Variants in PLEKHJ1 observed in about 807,000 individuals in gnomAD.
PLEKHJ1 encodes the protein pleckstrin homology domain containing J1, also known as pleckstrin homology domain-containing family J member 1.
Under a neutral mutation model 21.7 loss-of-function variants are expected in PLEKHJ1, and 20 were observed. The ratio of observed to expected loss-of-function variants is 0.92; its 90% CI spans 0.65 to 1.34. The LOEUF (loss-of-function observed/expected upper bound fraction) is 1.34. PLEKHJ1 is among the 40% of genes most tolerant of loss of function. PLEKHJ1 has a pLI of 0.00. For synonymous variants in PLEKHJ1, 113 were observed against 80.6 expected (o/e 1.40, Z -2.15); for missense variants, 241 against 202.0 (o/e 1.19, Z -1.17).
At position 2,233,395 on chromosome 19, in the gene PLEKHJ1, C is replaced by G. The variant is rs983301238; in HGVS notation, c.*445G>C. 1 of 197,042 alleles carries G rather than the reference C, an allele frequency of 5.1e-6. No homozygotes were observed. Among genetic ancestry groups the G allele is most frequent in the African/African-American group, 2.4e-5 (1 of 42,486 alleles). 12.2% of individuals were successfully genotyped at this position (197,042 alleles called of 1,614,324 possible). On this transcript the variant is annotated 3_prime_UTR_variant, in exon 6 of 6. Coordinates refer to ENST00000326631, the MANE Select transcript of PLEKHJ1 (RefSeq NM_018049.3). ...CTGGATGCACACAACTCAGGCAGGGCACCTGTGGGAAGGCGCATATCCTGG... is the reference window on the plus strand; with the variant it reads ...CTGGATGCACACAACTCAGGCAGGGGACCTGTGGGAAGGCGCATATCCTGG...
chr19:2,233,689 T>C lies in PLEKHJ1; in HGVS notation c.*151A>G, dbSNP rs138865663. 466 of 657,178 alleles carry C rather than the reference T, an allele frequency of 7.1e-4. 2 individuals are homozygous for C. The African/African-American group carries it at 7.4e-3, about 10-fold the overall frequency. 40.7% of individuals were successfully genotyped at this position (657,178 alleles called of 1,614,324 possible). On this transcript the variant is annotated 3_prime_UTR_variant, in exon 6 of 6. Transcript: ENST00000326631. ...AGAAGGTCAAGGTCACAGTGAGCTGTGGCACCACTGCACTCTAGCCTGGGC... is the reference window on the plus strand; with the variant it reads ...AGAAGGTCAAGGTCACAGTGAGCTGCGGCACCACTGCACTCTAGCCTGGGC...
Position 2,234,160 on chromosome 19 carries a change from G to A in PLEKHJ1, c.310C>T (p.Arg104Cys), listed in dbSNP as rs370154524. The change falls in exon 4 of 6, where the codon CGT becomes TGT. Residue 104 changes from arginine to cysteine, a missense_variant. By Grantham distance (180) the Arg-to-Cys change is radical (BLOSUM62 -3). Coordinates refer to ENST00000326631, the MANE Select transcript of PLEKHJ1 (RefSeq NM_018049.3). ...ACCGCCTGGCCCCACCTGGCCCGAC[G>A]CAGAGCCTCCATCCACTCCTGACAC... ...EQCQEWMEAL[R>C]RASYEFMRRS... 6.2e-5 allele frequency: 100 copies of A among 1,612,104 alleles called. No homozygotes were observed. Among genetic ancestry groups the A allele is most frequent in the South Asian group, 1.2e-4 (11 of 91,072 alleles).
Position 2,233,274 on chromosome 19 carries a change from C to T in PLEKHJ1, c.*566G>A, listed in dbSNP as rs2024674555. On this transcript the variant is annotated 3_prime_UTR_variant, in exon 6 of 6. Coordinates refer to ENST00000326631, the MANE Select transcript of PLEKHJ1 (RefSeq NM_018049.3). ...GAGAATTCACAGCTGGTGTGGGACT[C>T]AGCCCCTAGGCCATTCACAGCTTTG... The T allele has an allele frequency of 6.5e-6, 1 of 154,514 alleles. No individual in the cohort carries two copies. The highest frequency in any genetic ancestry group is 2.4e-5 in the African/African-American group (1 of 41,428). The allele number at this position is 154,514 out of a possible 1,614,324, so 9.6% of individuals were successfully genotyped here. A position where few individuals can be genotyped will look rare whatever the true frequency, so the allele number is the denominator to read the frequency against.
chr19:2,235,657 G>C, intron 3 of PLEKHJ1, 105 bp downstream of exon 3: 1 of 930,686 alleles, frequency 1.1e-6, no homozygotes, highest in South Asian at 1.6e-5. Context: ...GTGGCGCCAG[G>C]CTGGGGACAC....
At chr19:2,234,342 G>A (rs1220630933) in intron 3 of PLEKHJ1, 102 bp from the exon 4 acceptor site, 4 of 828,026 alleles carry the variant, frequency 4.8e-6, no homozygotes, top group Middle Eastern at 2.3e-4. Context: ...ACAAAGATGT[G>A]TTCATGTCCT....
rs901498519 is a variant in PLEKHJ1, at chr19:2,235,646, G to A, written c.229+116C>T. 2.3e-5 allele frequency: 19 copies of A among 825,692 alleles called. No homozygotes were observed. In the African/African-American group the frequency reaches 2.4e-4, roughly 11 times the overall value. The allele number at this position is 825,692 out of a possible 1,614,324, so 51.1% of individuals were successfully genotyped here. A position where few individuals can be genotyped will look rare whatever the true frequency, so the allele number is the denominator to read the frequency against. On this transcript the variant is annotated intron_variant, in intron 3 of 5. Transcript: ENST00000326631. ...ACAATGCACTCTTGTGTTTGAGGAG[G>A]GTGGCGCCAGGCTGGGGACACAGAG...
At chr19:2,235,559 T>C (rs2024776205) in intron 3 of PLEKHJ1, 5 of 590,442 alleles carry the variant, frequency 8.5e-6, no homozygotes, top group Admixed American at 3.0e-5. Context: ...CAAGCTTAAG[T>C]GGACTCGGCA....
At chr19:2,231,892 G>A (rs2144977720), downstream of PLEKHJ1, 1 of 220,048 alleles carries the variant, frequency 4.5e-6, no homozygotes, top group East Asian at 6.6e-5. Flanking sequence ...CACGCACTGG[G>A]TCTCAGAGCC....
At chr19:2,236,028 C>T (rs1425453912) in intron 1 of PLEKHJ1, 38 bp from the exon 2 acceptor site, 4 of 1,553,024 alleles carry the variant, frequency 2.6e-6, no homozygotes, top group Non-Finnish European at 3.5e-6. Context: ...GCAGGCAGCC[C>T]CCGCCCGGAC....
chr19:2,232,646 C>T (rs552467278), downstream of PLEKHJ1: 13 of 182,528 alleles, frequency 7.1e-5, no homozygotes, highest in Admixed American at 4.4e-4. Flanking sequence ...TGAGAGGCCC[C>T]GGCTAGTGTG....
rs905685549 is a variant in PLEKHJ1, at chr19:2,235,914, C to T, written c.162+9G>A. 35 of 1,608,258 alleles carry T rather than the reference C, an allele frequency of 2.2e-5. No homozygotes were observed. Among genetic ancestry groups the T allele is most frequent in the Non-Finnish European group, 2.6e-5 (31 of 1,178,110 alleles). On this transcript the variant is annotated intron_variant, in intron 2 of 5. Coordinates refer to ENST00000326631, the MANE Select transcript of PLEKHJ1 (RefSeq NM_018049.3). Reference sequence around the variant, plus strand: ...CTGGGACCCGCCCGCGCGCCCGGGACGCCCCTACCTCGGCCTCGTCTGTCC... The same window carrying T: ...CTGGGACCCGCCCGCGCGCCCGGGATGCCCCTACCTCGGCCTCGTCTGTCC...
At chr19:2,234,379 C>T in intron 3 of PLEKHJ1, 139 bp from the exon 4 acceptor site, 1 of 628,800 alleles carries the variant, frequency 1.6e-6, no homozygotes, top group Non-Finnish European at 2.8e-6. Context: ...TGAGTATGGC[C>T]CTGTATATAA....
intron 3 of PLEKHJ1, chr19:2,235,326 A>C: frequency 6.0e-6 from 1 of 166,548 alleles, no homozygotes; most frequent in Non-Finnish European, 1.3e-5. Context: ...ACTAGCAGGG[A>C]CTCCATCTTT....
downstream of PLEKHJ1, chr19:2,230,332 C>A: frequency 4.8e-6 from 2 of 415,636 alleles, no homozygotes; most frequent in Non-Finnish European, 4.2e-6. Flanking sequence ...CTCCCCGCGG[C>A]CTGAGCCCCT....
rs572154067 is a variant in PLEKHJ1 at position 2,236,193 on chromosome 19, G to C, written c.56C>G (p.Ala19Gly). Residue 19 changes from alanine (A) to glycine (G), a missense_variant, in exon 1 of 6, where the codon GCG becomes GGG. By Grantham distance (60) the Ala-to-Gly change is moderately conservative. Coordinates refer to ENST00000326631, the MANE Select transcript of PLEKHJ1 (RefSeq NM_018049.3). ...GGGGCCCCTCATGCCCAGCTCGGCC[G>C]CCATCTCGGCCGGCTGCCGGGACAG... is the stretch of plus-strand genomic sequence containing the variant. ...QALSRQPAEM[A>G]AELGMRGPKK... The C allele has an allele frequency of 2.7e-6, 4 of 1,476,710 alleles. No individual in the cohort carries two copies. The highest frequency in any genetic ancestry group is 3.6e-6 in the Non-Finnish European group (4 of 1,116,710). The allele number at this position is 1,476,710 out of a possible 1,614,324, so 91.5% of individuals were successfully genotyped here.
downstream of PLEKHJ1, among the ~76,000 whole-genome samples, chr19:2,232,871 C>T (rs1473879936): frequency 6.6e-6 from 1 of 152,226 alleles, no homozygotes; most frequent in Non-Finnish European, 1.5e-5. Context: ...GTCCTTTTCA[C>T]ATCAGATGGA....
chr19:2,232,656 G>A (rs1447293217), downstream of PLEKHJ1: 2 of 181,340 alleles, frequency 1.1e-5, no homozygotes, highest in Admixed American at 6.3e-5. Flanking sequence ...CGGCTAGTGT[G>A]TCATCGCCGA....
chr19:2,230,308 C>T (rs1347219600), downstream of PLEKHJ1: 1 of 416,492 alleles, frequency 2.4e-6, no homozygotes, highest in African/African-American at 2.1e-5. Context: ...GTCGCCACCA[C>T]ATTCCTCGGA....
At chr19:2,230,695 G>A (rs555421598), downstream of PLEKHJ1, 6 of 397,946 alleles carry the variant, frequency 1.5e-5, no homozygotes, top group East Asian at 3.6e-5. Context: ...AGATTTGACA[G>A]CTTTTATTTT....
Sources: allele counts gnomAD v4.1 joint callset (sites outside exome capture counted in the v4.1 genomes callset), GRCh38; gene constraint gnomAD v4.1.1; transcripts MANE v1.5; gene names NCBI Gene and HGNC (gene_info 2026-07-23, HGNC 2026-07-21).